Variants in C10orf90 observed in about 807,000 individuals in gnomAD.
C10orf90 encodes the protein chromosome 10 open reading frame 90.
Under a neutral mutation model 62.5 loss-of-function variants are expected in C10orf90, and 56 were observed. The observed-to-expected ratio is 0.90, with a 90% CI of 0.72 to 1.12. C10orf90 has a LOEUF of 1.12. C10orf90 is among the 50% of genes most tolerant of loss of function. The pLI is 0.00. For synonymous variants in C10orf90, 386 were observed against 340.4 expected (o/e 1.13, Z -1.47); for missense variants, 970 against 880.4 (o/e 1.10, Z -1.29).
intron 1 of C10orf90, among the ~76,000 whole-genome samples, chr10:126,661,735 C>T (rs1009569392): frequency 3.3e-5 from 5 of 151,670 alleles, no homozygotes; most frequent in African/African-American, 1.2e-4. Flanking sequence ...CTGCAGCATC[C>T]AATCTGCTGT....
intron 3 of C10orf90, among the ~76,000 whole-genome samples, chr10:126,509,853 A>G (rs1862992508): frequency 6.6e-6 from 1 of 152,230 alleles, no homozygotes; most frequent in South Asian, 2.1e-4. Context: ...TTAAAAATCT[A>G]TATGAGTTTG....
At chr10:126,578,301 A>G (rs1286706806) in intron 2 of C10orf90, among the ~76,000 whole-genome samples, 1 of 140,954 alleles carries the variant, frequency 7.1e-6, no homozygotes, top group Non-Finnish European at 1.5e-5. Flanking sequence ...AAAAAGACAA[A>G]CAACCCAATT....
intron 4 of C10orf90, among the ~76,000 whole-genome samples, chr10:126,474,297 G>A (rs997379585): frequency 1.3e-5 from 2 of 152,108 alleles, no homozygotes; most frequent in African/African-American, 4.8e-5. Flanking sequence ...TCATCGCGCT[G>A]GCCCATCAAG....
At chr10:126,567,858 AG>A (rs1182555822) in intron 2 of C10orf90, among the ~76,000 whole-genome samples, 1 of 152,098 alleles carries the variant, frequency 6.6e-6, no homozygotes, top group Non-Finnish European at 1.5e-5. Flanking sequence ...GCACCTTGAG[AG>A]GGAGGAGTGA....
At chr10:126,500,438 T>C (rs1245140566) in intron 4 of C10orf90, among the ~76,000 whole-genome samples, 1 of 152,246 alleles carries the variant, frequency 6.6e-6, no homozygotes, top group Non-Finnish European at 1.5e-5. Flanking sequence ...GGTTGAATGA[T>C]TCAAAATAAT....
chr10:126,566,137 C>A (rs1033560346), intron 2 of C10orf90, among the ~76,000 whole-genome samples: 1 of 152,128 alleles, frequency 6.6e-6, no homozygotes, highest in Admixed American at 6.5e-5. Flanking sequence ...GCAAGGATAA[C>A]CTTGGATAAA....
At position 126,666,674 on chromosome 10, in the gene C10orf90, G is replaced by A. The variant is rs78168540; in HGVS notation, c.240+3567C>T. Among the ~76,000 whole-genome samples, 175 of 152,176 alleles carry A rather than the reference G, an allele frequency of 1.1e-3. 1 individual carries two copies. In the East Asian group the frequency reaches 0.029, roughly 25 times the overall value. ...CATGGCTGCACCAGAGGCATATGCA[G>A]TTCTTTAAAAAGTTCACTATGAGGC... On this transcript the variant is annotated intron_variant, in intron 1 of 9. Coordinates refer to ENST00000488181, the MANE Select transcript of C10orf90 (RefSeq NM_001350921.2).
intron 4 of C10orf90, among the ~76,000 whole-genome samples, chr10:126,499,790 C>T (rs539611922): frequency 9.2e-5 from 14 of 152,252 alleles, no homozygotes; most frequent in Non-Finnish European, 8.8e-5. Flanking sequence ...CCATAGAACG[C>T]GAACGCAAAT....
At chr10:126,429,294 A>G (rs1282852906) in intron 8 of C10orf90, among the ~76,000 whole-genome samples, 1 of 152,144 alleles carries the variant, frequency 6.6e-6, no homozygotes, top group African/African-American at 2.4e-5. Context: ...TCTGCTGGAG[A>G]CAGAGTACCA....
chr10:126,638,493 C>A (rs1294477234), intron 2 of C10orf90, among the ~76,000 whole-genome samples: 2 of 152,122 alleles, frequency 1.3e-5, no homozygotes, highest in Non-Finnish European at 2.9e-5. Context: ...ACATCTGGAT[C>A]AGCAGCTGTG....
chr10:126,647,735 T>C (rs1329838769), intron 1 of C10orf90, among the ~76,000 whole-genome samples: 1 of 152,252 alleles, frequency 6.6e-6, no homozygotes, highest in Non-Finnish European at 1.5e-5. Flanking sequence ...ACTTCACATA[T>C]ACTGGTTATG....
At chr10:126,446,305 C>T (rs1671472671) in intron 7 of C10orf90, among the ~76,000 whole-genome samples, 2 of 151,818 alleles carry the variant, frequency 1.3e-5, no homozygotes, top group Admixed American at 6.6e-5. Context: ...CATATTCAAC[C>T]CAAAGAAGAC....
intron 4 of C10orf90, among the ~76,000 whole-genome samples, chr10:126,467,447 G>T (rs922659680): frequency 6.6e-5 from 10 of 152,154 alleles, no homozygotes; most frequent in South Asian, 2.1e-4. Context: ...GGACCGAGTG[G>T]GCTGAGAGTT....
chr10:126,547,233 C>T (rs549634631), intron 2 of C10orf90, among the ~76,000 whole-genome samples: 9 of 152,114 alleles, frequency 5.9e-5, no homozygotes, highest in East Asian at 3.9e-4. Context: ...TCCTGGCTAA[C>T]GCGGTGAAAC....
At chr10:126,636,867 G>A (rs1308038209) in intron 2 of C10orf90, among the ~76,000 whole-genome samples, 1 of 152,050 alleles carries the variant, frequency 6.6e-6, no homozygotes, top group Non-Finnish European at 1.5e-5. Flanking sequence ...ACCAAAACAA[G>A]CAGCATTCTG....
intron 1 of C10orf90, among the ~76,000 whole-genome samples, chr10:126,662,709 G>C (rs1846541841): frequency 6.6e-6 from 1 of 152,142 alleles, no homozygotes; most frequent in Non-Finnish European, 1.5e-5. Context: ...GTGCCCAGAG[G>C]TCTCCTCCAT....
At chr10:126,499,444 A>G (rs1467867993) in intron 4 of C10orf90, among the ~76,000 whole-genome samples, 1 of 152,236 alleles carries the variant, frequency 6.6e-6, no homozygotes, top group African/African-American at 2.4e-5. Context: ...TTTGTAAAAT[A>G]TCTTCTGGTC....
At chr10:126,624,286 C>T (rs767141259) in intron 2 of C10orf90, among the ~76,000 whole-genome samples, 4 of 151,974 alleles carry the variant, frequency 2.6e-5, no homozygotes, top group Non-Finnish European at 4.4e-5. Flanking sequence ...GTGGAGGTTG[C>T]AGTGAGCTGA....
At chr10:126,480,940 C>T (rs12570910) in intron 4 of C10orf90, among the ~76,000 whole-genome samples, 12,917 of 152,112 alleles carry the variant, frequency 0.085, 1,742 homozygotes, top group African/African-American at 0.28. Flanking sequence ...TAAAATAAAT[C>T]GCAAACTCCT....
Sources: allele counts gnomAD v4.1 joint callset (sites outside exome capture counted in the v4.1 genomes callset), GRCh38; gene constraint gnomAD v4.1.1; transcripts MANE v1.5; gene names NCBI Gene and HGNC (gene_info 2026-07-23, HGNC 2026-07-21).